STAB1: variants seen among roughly 807,000 people sequenced by gnomAD.
The protein encoded by STAB1 is stabilin 1.
STAB1 carries 250 observed loss-of-function variants against 332.4 expected under a neutral mutation model. The observed-to-expected ratio is 0.75, with a 90% CI of 0.68 to 0.84. The LOEUF is 0.84. Ranked by LOEUF, STAB1 falls within the 40% of genes least tolerant of loss-of-function variation. The pLI, the probability that STAB1 is intolerant of heterozygous loss-of-function variation, is 0.00. For synonymous variants in STAB1, 1,475 were observed against 1,390.4 expected (o/e 1.06, Z -1.35); for missense variants, 3,249 against 3,489.7 (o/e 0.93, Z 1.74).
intron 17 of STAB1, among the ~76,000 whole-genome samples, 190 bp from the exon 18 acceptor site, chr3:52,506,502 A>G (rs1167412909): frequency 1.3e-5 from 2 of 152,212 alleles, no homozygotes; most frequent in African/African-American, 4.8e-5. Flanking sequence ...CCATGTGGGT[A>G]AGGACCCGCA....
intron 1 of STAB1, 132 bp downstream of exon 1, chr3:52,495,623 GC>G: frequency 2.5e-6 from 2 of 810,246 alleles, no homozygotes; most frequent in South Asian, 5.9e-5. Context: ...TGGCCTCTTA[GC>G]AGGCCTGGGG....
chr3:52,499,443 C>T (rs1708272304), intron 1 of STAB1, among the ~76,000 whole-genome samples: 1 of 152,246 alleles, frequency 6.6e-6, no homozygotes. Context: ...CTGAGACCTT[C>T]TCCCAATTCA....
Position 52,520,897 on chromosome 3 carries a change from A to T in STAB1, c.5800A>T (p.Ser1934Cys). 1.9e-6 allele frequency: 3 copies of T among 1,610,476 alleles called. No individual in the cohort carries two copies. The highest frequency in any genetic ancestry group is 2.5e-6 in the Non-Finnish European group (3 of 1,178,794). Residue 1934 changes from serine (S) to cysteine (C), a missense_variant, in exon 55 of 69, where the codon AGC becomes TGC. Ser to Cys is a moderately radical substitution (Grantham distance 112). Transcript: ENST00000321725. Reference sequence around the variant, plus strand: ...ATTACGCAGCGTCTGGGTCCACCCCAGCCTTTGGGGTAGGCCCCAAGGCCT... The same window carrying T: ...ATTACGCAGCGTCTGGGTCCACCCCTGCCTTTGGGGTAGGCCCCAAGGCCT... ...LGLRSVWVHP[S>C]LWGRPQGLGR... is the part of the protein sequence containing the mutation.
Position 52,517,112 on chromosome 3 carries a change from G to A in STAB1, c.4489+3G>A. On this transcript the variant is annotated splice_donor_region_variant and intron_variant, in intron 42 of 68. Transcript: ENST00000321725. ...GGGCGACGGGGAGCTGTGCCAGGGTGAGACTAGGCCCCTAACCTGGGTTTA... is the reference window on the plus strand; with the variant it reads ...GGGCGACGGGGAGCTGTGCCAGGGTAAGACTAGGCCCCTAACCTGGGTTTA... The A allele has an allele frequency of 2.6e-6, 4 of 1,544,026 alleles. No individual in the cohort carries two copies. In the South Asian group the frequency reaches 5.1e-5, roughly 20 times the overall value.
chr3:52,520,274 G>C lies in STAB1; in HGVS notation c.5483G>C (p.Cys1828Ser). ...TMHGTPISFS[C>S]SRTRAGELMV... ...CATGGGACCCCCATCTCTTTCTCCT[G>C]CAGCCGAACGCGGGCCGTGAGTCTG... Residue 1828 changes from cysteine to serine, a missense_variant, in exon 52 of 69, where the codon TGC (cysteine) becomes TCC (serine). Physicochemically the swap from Cys to Ser is moderately radical, Grantham distance 112. Transcript: ENST00000321725. 1 of 1,613,110 alleles carries C rather than the reference G, an allele frequency of 6.2e-7. No individual in the cohort carries two copies. Among genetic ancestry groups the C allele is most frequent in the Non-Finnish European group, 8.5e-7 (1 of 1,180,030 alleles).
At chr3:52,517,478 G>A in intron 43 of STAB1, 72 bp from the exon 44 acceptor site, 1 of 1,593,064 alleles carries the variant, frequency 6.3e-7, no homozygotes, top group African/African-American at 1.3e-5. Context: ...CGGGGAGGGG[G>A]GTGACCCTTT....
intron 17 of STAB1, 70 bp downstream of exon 17, chr3:52,506,320 C>T: frequency 7.1e-7 from 1 of 1,400,178 alleles, no homozygotes; most frequent in Non-Finnish European, 9.9e-7. Flanking sequence ...GCCTCTCAGC[C>T]TTGTGTGCTC....
intron 21 of STAB1, among the ~76,000 whole-genome samples, chr3:52,508,997 A>T (rs1185577826): frequency 6.6e-6 from 1 of 152,194 alleles, no homozygotes; most frequent in Non-Finnish European, 1.5e-5. Context: ...GTGTTTCTGC[A>T]TCCAGCAAAT....
intron 26 of STAB1, 44 bp downstream of exon 26, chr3:52,511,789 G>A (rs758616270): frequency 6.8e-7 from 1 of 1,478,518 alleles, no homozygotes; most frequent in South Asian, 1.3e-5. Flanking sequence ...GCTTTCTGGG[G>A]TGAGCCTGGG....
rs752688483 is a variant in STAB1 at position 52,503,114 on chromosome 3, GCCTGGA to G, written c.694+7_694+12del. On this transcript the variant is annotated splice_donor_region_variant and intron_variant, in intron 7 of 68. Coordinates refer to ENST00000321725, the MANE Select transcript of STAB1 (RefSeq NM_015136.3). ...AGCAGGGCAGTGAATGCCGAGGTGA[GCCTGGA>G]CTCAGAGGCCAGGGACTTCAGCTCA... 29 of 1,580,222 alleles carry G rather than the reference GCCTGGA, an allele frequency of 1.8e-5. No individual in the cohort carries two copies. Among genetic ancestry groups the G allele is most frequent in the Non-Finnish European group, 2.3e-5 (27 of 1,163,992 alleles).
Position 52,521,711 on chromosome 3 carries a change from C to T in STAB1, c.6163+11C>T. On this transcript the variant is annotated intron_variant, in intron 57 of 68. Coordinates refer to ENST00000321725, the MANE Select transcript of STAB1 (RefSeq NM_015136.3). ...GTGAGGTGCAACTGGGTGAGTAGCC[C>T]CGTGCTCGTGCCCACCCTACACACT... 6.2e-7 allele frequency: 1 copy of T among 1,612,082 alleles called. No homozygotes were observed. Among genetic ancestry groups the T allele is most frequent in the Non-Finnish European group, 8.5e-7 (1 of 1,179,512 alleles).
intron 36 of STAB1, 76 bp downstream of exon 36, chr3:52,515,121 C>T: frequency 7.8e-6 from 12 of 1,548,084 alleles, no homozygotes; most frequent in Non-Finnish European, 1.1e-5. Context: ...ATCCCCTCAC[C>T]CTCCAGCCCA....
intron 22 of STAB1, 101 bp downstream of exon 22, chr3:52,509,422 G>T: frequency 1.0e-6 from 1 of 997,714 alleles, no homozygotes; most frequent in Non-Finnish European, 1.5e-6. Flanking sequence ...CCAGGAGGAG[G>T]GACGAAGGCC....
At chr3:52,519,640 G>A in intron 50 of STAB1, 76 bp downstream of exon 50, 3 of 1,566,946 alleles carry the variant, frequency 1.9e-6, no homozygotes, top group Non-Finnish European at 1.8e-6. Flanking sequence ...ATGCGTACCT[G>A]TGTGTGCATA....
Position 52,504,105 on chromosome 3 carries a change from C to A in STAB1, c.1100C>A (p.Thr367Lys). Residue 367 changes from threonine (T) to lysine (K), a missense_variant, in exon 10 of 69, where the codon ACG (threonine) becomes AAG (lysine). Physicochemically the swap from Thr to Lys is moderately conservative, Grantham distance 78 (BLOSUM62 -1). Coordinates refer to ENST00000321725, the MANE Select transcript of STAB1 (RefSeq NM_015136.3). ...GHLLHEVQKA[T>K]QTGRVFLQLR... ...CTGCTCCACGAGGTGCAGAAGGCCA[C>A]GCAGACAGGCCGGGTGTTCCTGCAG... 3.8e-6 allele frequency: 6 copies of A among 1,591,054 alleles called. No individual in the cohort carries two copies. Among genetic ancestry groups the A allele is most frequent in the Non-Finnish European group, 4.3e-6 (5 of 1,169,424 alleles).
Position 52,520,929 on chromosome 3 carries a change from G to T in STAB1, c.5832G>T (p.Arg1944Ser). 1 of 1,595,120 alleles carries T rather than the reference G, an allele frequency of 6.3e-7. No homozygotes were observed. Among genetic ancestry groups the T allele is most frequent in the South Asian group, 1.1e-5 (1 of 88,734 alleles). The change falls in exon 55 of 69, where the codon AGG (arginine) becomes AGT (serine). Residue 1944 changes from arginine to serine, a missense_variant. Physicochemically the swap from Arg to Ser is moderately radical, Grantham distance 110 (BLOSUM62 -1). Transcript: ENST00000321725. ...GGGGTAGGCCCCAAGGCCTGGGCAGGGGCTGCCACCGCAATTGTGTCACCA... is the reference window on the plus strand; with the variant it reads ...GGGGTAGGCCCCAAGGCCTGGGCAGTGGCTGCCACCGCAATTGTGTCACCA... Reference protein sequence around the residue: ...SLWGRPQGLGRGCHRNCVTTT... With the variant: ...SLWGRPQGLGSGCHRNCVTTT...
chr3:52,513,917 G>A lies in STAB1; in HGVS notation c.3383G>A (p.Gly1128Glu). Residue 1128 changes from glycine (G) to glutamate (E), a missense_variant, in exon 32 of 69, where the codon GGG (glycine) becomes GAG (glutamate). Physicochemically the swap from Gly to Glu is moderately conservative, Grantham distance 98. Transcript: ENST00000321725. ...CCCCCCCGAGGGGATGTGCCCGGTG[G>A]GCAGGGGTTGCTGCAGCAGCTGGAC... ...LLPPRGDVPG[G>E]QGLLQQLDLV... 4 of 1,605,704 alleles carry A rather than the reference G, an allele frequency of 2.5e-6. No homozygotes were observed. Among genetic ancestry groups the A allele is most frequent in the Non-Finnish European group, 3.4e-6 (4 of 1,174,238 alleles).
chr3:52,505,128 C>A lies in STAB1; in HGVS notation c.1503C>A (p.Thr501=). Residue 501 remains threonine, a synonymous_variant, in exon 13 of 69, where the codon ACC becomes ACA. Transcript: ENST00000321725. ...TGLRWQAPSG[T]PGDPKRTIGQ... ...TGCGGTGGCAGGCCCCCTCTGGGACCCCTGGGGATCCCAAGGTGAGCCAGC... is the reference window on the plus strand; with the variant it reads ...TGCGGTGGCAGGCCCCCTCTGGGACACCTGGGGATCCCAAGGTGAGCCAGC... The A allele has an allele frequency of 6.2e-6, 10 of 1,612,996 alleles. No homozygotes were observed. In the East Asian group the frequency reaches 2.2e-4, roughly 36 times the overall value.
intron 5 of STAB1, 97 bp from the exon 6 acceptor site, chr3:52,502,535 G>C (rs911415100): frequency 2.7e-6 from 3 of 1,128,524 alleles, no homozygotes; most frequent in Non-Finnish European, 3.9e-6. Flanking sequence ...GTACCTGCCC[G>C]AGCTGAGTTC....
Sources: allele counts gnomAD v4.1 joint callset (sites outside exome capture counted in the v4.1 genomes callset), GRCh38; gene constraint gnomAD v4.1.1; transcripts MANE v1.5; gene names NCBI Gene and HGNC (gene_info 2026-07-23, HGNC 2026-07-21).